The following ARFIP1 variants were observed in gnomAD, a reference collection of about 807,000 sequenced individuals.
ARFIP1 encodes the protein ARF interacting protein 1.
ARFIP1 carries 24 observed loss-of-function variants against 42.5 expected under a neutral mutation model. The observed-to-expected ratio is 0.57, with a 90% CI of 0.41 to 0.80. The LOEUF (loss-of-function observed/expected upper bound fraction) is 0.80. Among genes scored for constraint, ARFIP1 ranks in the 30% least tolerant of loss-of-function variants. The pLI, the probability that ARFIP1 is intolerant of heterozygous loss-of-function variation, is 0.00. For missense variants in ARFIP1, 354 were observed against 434.0 expected (o/e 0.82, Z 1.64); for synonymous variants, 141 against 153.7 (o/e 0.92, Z 0.61).
intron 2 of ARFIP1, among the ~76,000 whole-genome samples, chr4:152,857,528 A>G (rs1460031043): frequency 6.6e-6 from 1 of 152,224 alleles, no homozygotes; most frequent in East Asian, 1.9e-4. Context: ...AAAGCACTTC[A>G]AGTGTTTGTC....
At chr4:152,842,053 A>G (rs1053559137) in intron 2 of ARFIP1, among the ~76,000 whole-genome samples, 1 of 152,120 alleles carries the variant, frequency 6.6e-6, no homozygotes, top group Non-Finnish European at 1.5e-5. Flanking sequence ...AAGAATCCCT[A>G]AGCCTAGCTG....
intron 1 of ARFIP1, 147 bp downstream of exon 1, chr4:152,780,373 GT>G (rs932210002): frequency 6.6e-6 from 1 of 152,534 alleles, no homozygotes; most frequent in Non-Finnish European, 1.5e-5. Flanking sequence ...CTGCCCAAGT[GT>G]TATGCCTTTG....
At chr4:152,882,362 A>G (rs1735914764) in intron 6 of ARFIP1, among the ~76,000 whole-genome samples, 1 of 152,208 alleles carries the variant, frequency 6.6e-6, no homozygotes, top group Non-Finnish European at 1.5e-5. Flanking sequence ...TTTGGCTGTG[A>G]AAGTTATAGT....
intron 2 of ARFIP1, among the ~76,000 whole-genome samples, chr4:152,850,274 A>G (rs943452961): frequency 1.3e-5 from 2 of 152,208 alleles, no homozygotes; most frequent in Admixed American, 6.5e-5. Flanking sequence ...GACAGCGAAT[A>G]TATCAGCTTG....
chr4:152,834,729 G>A (rs895413609), intron 2 of ARFIP1, among the ~76,000 whole-genome samples: 3 of 152,196 alleles, frequency 2.0e-5, no homozygotes, highest in Admixed American at 6.5e-5. Flanking sequence ...CACTGAGATT[G>A]CAAGCTGTTG....
chr4:152,842,288 T>C (rs1732158012), intron 2 of ARFIP1, among the ~76,000 whole-genome samples: 1 of 151,826 alleles, frequency 6.6e-6, no homozygotes, highest in African/African-American at 2.4e-5. Context: ...TCCCCTCCCT[T>C]TGTATGGGAG....
chr4:152,802,155 G>C (rs182121031), intron 1 of ARFIP1, among the ~76,000 whole-genome samples: 6 of 151,844 alleles, frequency 4.0e-5, no homozygotes, highest in African/African-American at 1.5e-4. Context: ...TTCTTTTTTC[G>C]TAGGCAAAAA....
chr4:152,880,601 A>G (rs1381255476), intron 5 of ARFIP1, among the ~76,000 whole-genome samples: 4 of 152,170 alleles, frequency 2.6e-5, no homozygotes, highest in African/African-American at 9.7e-5. Context: ...GCAGTAGGAG[A>G]GTAGTATTTT....
chr4:152,780,661 C>T (rs554662036), intron 1 of ARFIP1, among the ~76,000 whole-genome samples: 7 of 152,218 alleles, frequency 4.6e-5, no homozygotes, highest in Non-Finnish European at 7.4e-5. Context: ...AGTGACAGTC[C>T]CTCTGAGAGA....
At chr4:152,804,758 A>G (rs1024400429) in intron 1 of ARFIP1, among the ~76,000 whole-genome samples, 3 of 151,854 alleles carry the variant, frequency 2.0e-5, no homozygotes, top group Non-Finnish European at 2.9e-5. Flanking sequence ...GATAATGCAC[A>G]TAAAGTGAGT....
At chr4:152,855,687 T>A (rs1208948311) in intron 2 of ARFIP1, among the ~76,000 whole-genome samples, 1 of 152,140 alleles carries the variant, frequency 6.6e-6, no homozygotes, top group Admixed American at 6.5e-5. Flanking sequence ...GGACCCAGAG[T>A]GAGCTTCCTT....
In ARFIP1 at chr4:152,836,176, C is replaced by T. The variant is rs143585808; in HGVS notation, c.93+6450C>T. On this transcript the variant is annotated intron_variant, in intron 2 of 8. Transcript: ENST00000353617. ...TAAAAGGATACAAACCTGCAGTTGA[C>T]GGGTAAGTTCTGGAGATATAATATA... Among the ~76,000 whole-genome samples, 363 of 152,194 alleles carry T rather than the reference C, an allele frequency of 2.4e-3. 2 individuals are homozygous for T. The highest frequency in any genetic ancestry group is 8.1e-3 in the African/African-American group (338 of 41,514).
intron 1 of ARFIP1, among the ~76,000 whole-genome samples, chr4:152,780,656 C>A (rs536366658): frequency 9.2e-5 from 14 of 152,144 alleles, no homozygotes; most frequent in Non-Finnish European, 2.1e-4. Context: ...GAGATAGTGA[C>A]AGTCCCTCTG....
chr4:152,799,381 C>T (rs1050299917), intron 1 of ARFIP1, among the ~76,000 whole-genome samples: 3 of 152,130 alleles, frequency 2.0e-5, no homozygotes, highest in African/African-American at 7.2e-5. Flanking sequence ...GGTTTTCTGT[C>T]TCCAGTTACA....
rs1366223407 is a variant in ARFIP1, at chr4:152,888,232, C to T, written c.891C>T (p.Phe297=). ...LPKIEQSQHL[F]QAHKEKYDKM... ...AGATTGAGCAGTCACAGCATCTCTT[C>T]CAAGCACATAAGGAAAAATATGATA... The change falls in exon 8 of 9, where the codon TTC becomes TTT. Residue 297 remains phenylalanine, a synonymous_variant. Transcript: ENST00000353617. The T allele has an allele frequency of 6.2e-7, 1 of 1,611,146 alleles. No individual in the cohort carries two copies. Among genetic ancestry groups the T allele is most frequent in the East Asian group, 2.2e-5 (1 of 44,822 alleles).
chr4:152,889,195 C>T (rs531454878), intron 8 of ARFIP1, among the ~76,000 whole-genome samples: 1 of 152,146 alleles, frequency 6.6e-6, no homozygotes, highest in African/African-American at 2.4e-5. Flanking sequence ...CATCAAAGGG[C>T]ATTTTAGTAA....
intron 1 of ARFIP1, among the ~76,000 whole-genome samples, chr4:152,795,820 A>ACTTTTTTTTTTT (rs1731416089): frequency 3.6e-5 from 1 of 28,066 alleles, no homozygotes; most frequent in Non-Finnish European, 6.2e-5. Context: ...GGCCCTTGTA[A>ACTTTTTTTTTTT]TTTTTTTTTT....
At chr4:152,827,404 A>G (rs564893310) in intron 1 of ARFIP1, among the ~76,000 whole-genome samples, 1 of 152,284 alleles carries the variant, frequency 6.6e-6, no homozygotes, top group African/African-American at 2.4e-5. Context: ...TGATGACCCT[A>G]CATTGACACA....
intron 5 of ARFIP1, among the ~76,000 whole-genome samples, chr4:152,874,559 C>G (rs1735163952): frequency 1.3e-5 from 2 of 152,204 alleles, no homozygotes. Flanking sequence ...TTGAGCTTCT[C>G]AGCTCAAATT....
Sources: allele counts gnomAD v4.1 joint callset (sites outside exome capture counted in the v4.1 genomes callset), GRCh38; gene constraint gnomAD v4.1.1; transcripts MANE v1.5; gene names NCBI Gene and HGNC (gene_info 2026-07-23, HGNC 2026-07-21).